ZNF142: variants seen among roughly 807,000 people sequenced by gnomAD.
ZNF142 encodes the protein zinc finger protein 142 (clone pHZ-49).
Under a neutral mutation model 132.1 loss-of-function variants are expected in ZNF142, and 96 were observed. The observed-to-expected ratio is 0.73, with a 90% CI of 0.62 to 0.86. The LOEUF is 0.86. Among genes scored for constraint, ZNF142 ranks in the 40% least tolerant of loss-of-function variants. ZNF142 has a pLI of 0.00. For missense variants in ZNF142, 2,163 were observed against 2,336.2 expected, an observed-to-expected ratio of 0.93 and a Z score of 1.53; for synonymous variants, 842 against 890.1, an observed-to-expected ratio of 0.95 and a Z score of 0.96.
chr2:218,656,878 C>T (rs1171776520), intron 3 of ZNF142, among the ~76,000 whole-genome samples: 10 of 148,370 alleles, frequency 6.7e-5, no homozygotes, highest in South Asian at 4.3e-4. Context: ...AGTGCAGTGG[C>T]GTGATCTTGG....
Position 218,649,356 on chromosome 2 carries a change from G to A in ZNF142, c.1152C>T (p.Leu384=). ...ACTGGAGGCTGGGGTCTGGGAAGTG[G>A]AGATGCAGGTGCTCCACCAGATGAG... ...KRTHLVEHLH[L]HFPDPSLQCP... is the part of the protein sequence containing the mutation. The change falls in exon 7 of 11, where the codon CTC becomes CTT. Residue 384 remains leucine, a synonymous_variant. Coordinates refer to ENST00000411696, the MANE Select transcript of ZNF142 (RefSeq NM_001379659.1). 1 of 1,614,214 alleles carries A rather than the reference G, an allele frequency of 6.2e-7. No homozygotes were observed. Among genetic ancestry groups the A allele is most frequent in the Non-Finnish European group, 8.5e-7 (1 of 1,180,038 alleles).
At chr2:218,658,057 CAA>C (rs1559309476) in intron 3 of ZNF142, among the ~76,000 whole-genome samples, 1 of 151,222 alleles carries the variant, frequency 6.6e-6, no homozygotes, top group Non-Finnish European at 1.5e-5. Flanking sequence ...GGAGAAATTT[CAA>C]ACTCATTAAC....
intron 9 of ZNF142, among the ~76,000 whole-genome samples, chr2:218,641,243 AT>A (rs71276228): frequency 0.25 from 25,934 of 103,754 alleles, 2,383 homozygotes; most frequent in Non-Finnish European, 0.33. Context: ...CTGGCCGATA[AT>A]TTTTTTTTTT....
rs1697443486 is a variant in ZNF142, at chr2:218,643,553, C to T, written c.3563G>A (p.Gly1188Glu). Residue 1188 changes from glycine to glutamate, a missense_variant, in exon 9 of 11, where the codon GGA becomes GAA. Transcript: ENST00000411696. The stretch of plus-strand genomic sequence containing the variant: ...AGGGGCCTCCGTGGGTGAGGAGTTT[C>T]CTGCAGGAGGGACTGGGTCAAAGCA... The part of the protein sequence containing the change: ...KHCFDPVPPA[G>E]NSSPTEAPKK... 2 of 1,605,558 alleles carry T rather than the reference C, an allele frequency of 1.2e-6. No homozygotes were observed. The highest frequency in any genetic ancestry group is 1.7e-5 in the Admixed American group (1 of 59,454).
Position 218,643,256 on chromosome 2 carries a change from C to G in ZNF142, c.3860G>C (p.Ser1287Thr), listed in dbSNP as rs747130010. The change falls in exon 9 of 11, where the codon AGC (serine) becomes ACC (threonine). Residue 1287 changes from serine to threonine, a missense_variant. By Grantham distance (58) the Ser-to-Thr change is moderately conservative. Coordinates refer to ENST00000411696, the MANE Select transcript of ZNF142 (RefSeq NM_001379659.1). ...CAGAACTGTATCCCCATCACCAGAG[C>G]TGGACTCTGTACTCCCATTCTTCGG... ...APPKNGSTESSSGDGDTVLVQ... is the reference protein window; with the variant it reads ...APPKNGSTESTSGDGDTVLVQ... 13 of 1,614,264 alleles carry G rather than the reference C, an allele frequency of 8.1e-6. No individual in the cohort carries two copies. The Admixed American group carries it at 1.0e-4, about 12-fold the overall frequency.
At position 218,642,821 on chromosome 2, in the gene ZNF142, G is replaced by A. The variant is rs373645670; in HGVS notation, c.4295C>T (p.Ser1432Phe). 7 of 1,614,084 alleles carry A rather than the reference G, an allele frequency of 4.3e-6. No homozygotes were observed. The highest frequency in any genetic ancestry group is 2.2e-5 in the East Asian group (1 of 44,896). The change falls in exon 9 of 11, where the codon TCT (serine) becomes TTT (phenylalanine). Residue 1432 changes from serine (S) to phenylalanine (F), a missense_variant. Ser to Phe is a radical substitution (Grantham distance 155). Coordinates refer to ENST00000411696, the MANE Select transcript of ZNF142 (RefSeq NM_001379659.1). This position sits in a 1 kb window ranked among gnomAD's most constrained non-coding sequence, Gnocchi z 4.6. ...GTTGGTACCAAACGTCTGGGGGCAA[G>A]AGCTGCAGGGGATGCGGCCAATGCC... ...HTGIGRIPCS[S>F]CPQTFGTNSK...
chr2:218,643,542 G>T lies in ZNF142; in HGVS notation c.3574C>A (p.Pro1192Thr), dbSNP rs201755459. ...TGGTGCTTCTTAGGGGCCTCCGTGG[G>T]TGAGGAGTTTCCTGCAGGAGGGACT... ...DPVPPAGNSS[P>T]TEAPKKHHLD... The change falls in exon 9 of 11, where the codon CCC becomes ACC. Residue 1192 changes from proline to threonine, a missense_variant. Pro to Thr is a conservative substitution (Grantham distance 38, BLOSUM62 -1). Around this residue, in one of 7 missense-constraint regions of ZNF142, gnomAD observed 809 missense variants for 801.7 expected, o/e 1.01. Coordinates refer to ENST00000411696, the MANE Select transcript of ZNF142 (RefSeq NM_001379659.1). 1 of 1,609,318 alleles carries T rather than the reference G, an allele frequency of 6.2e-7. No individual in the cohort carries two copies. Among genetic ancestry groups the T allele is most frequent in the African/African-American group, 1.3e-5 (1 of 74,830 alleles).
intron 5 of ZNF142, 144 bp downstream of exon 5, chr2:218,651,557 A>C: frequency 1.1e-6 from 1 of 928,648 alleles, no homozygotes; most frequent in Non-Finnish European, 1.4e-6. Flanking sequence ...TTCCCATGTC[A>C]TCCAGTAACT....
At position 218,648,667 on chromosome 2, in the gene ZNF142, C is replaced by G. The variant is rs1937667105; in HGVS notation, c.1841G>C (p.Arg614Thr). 1 of 1,614,064 alleles carries G rather than the reference C, an allele frequency of 6.2e-7. No homozygotes were observed. Among genetic ancestry groups the G allele is most frequent in the African/African-American group, 1.3e-5 (1 of 74,944 alleles). Residue 614 changes from arginine to threonine, a missense_variant, in exon 7 of 11, where the codon AGG becomes ACG. Coordinates refer to ENST00000411696, the MANE Select transcript of ZNF142 (RefSeq NM_001379659.1). The part of the protein sequence containing the change: ...PECNFATAHK[R>T]VLIRHMLLHT... ...TAGAAGCATGTGTCGGATGAGCACC[C>G]TCTTGTGGGCAGTGGCAAAGTTGCA...
At chr2:218,640,228 A>G (rs1697074506) in intron 10 of ZNF142, among the ~76,000 whole-genome samples, 1 of 152,164 alleles carries the variant, frequency 6.6e-6, no homozygotes, top group African/African-American at 2.4e-5. Context: ...TGTGCTTTCA[A>G]GAACCGGGTT....
Position 218,636,450 on chromosome 2 carries a change from C to T in ZNF142, c.*1889G>A. 6.2e-7 allele frequency: 1 copy of T among 1,614,068 alleles called. No individual in the cohort carries two copies. The highest frequency in any genetic ancestry group is 8.5e-7 in the Non-Finnish European group (1 of 1,179,910). ...CCCAGCTCTGGCTGCCTTCCTAATG[C>T]TGTCCTCCTGCCCCTTCCAGGTTAC... is the stretch of plus-strand genomic sequence containing the variant. On this transcript the variant is annotated 3_prime_UTR_variant, in exon 11 of 11. Transcript: ENST00000411696.
Position 218,642,579 on chromosome 2 carries a change from C to T in ZNF142, c.4537G>A (p.Ala1513Thr), listed in dbSNP as rs3821033. Residue 1513 changes from alanine (A) to threonine (T), a missense_variant, in exon 9 of 11, where the codon GCA (alanine) becomes ACA (threonine). By Grantham distance (58) the Ala-to-Thr change is moderately conservative (BLOSUM62 0). Coordinates refer to ENST00000411696, the MANE Select transcript of ZNF142 (RefSeq NM_001379659.1). The surrounding 1 kb of genome is among the most constrained non-coding windows in gnomAD (Gnocchi z 4.6). Reference protein sequence around the residue: ...QHALRRHPEPAQPAPGSPAET... With the variant: ...QHALRRHPEPTQPAPGSPAET... ...GCAGGAGAGCCAGGGGCAGGCTGTG[C>T]AGGCTCGGGGTGTCGGCGCAGAGCA... 0.041 allele frequency: 65,203 copies of T among 1,601,264 alleles called. 1,836 individuals carry two copies. Among genetic ancestry groups the T allele is most frequent in the African/African-American group, 0.13 (9,566 of 73,696 alleles).
chr2:218,653,445 C>T (rs1391205904), intron 4 of ZNF142, among the ~76,000 whole-genome samples: 1 of 151,838 alleles, frequency 6.6e-6, no homozygotes, highest in African/African-American at 2.4e-5. Flanking sequence ...GGCATGGTGG[C>T]GCATGCCTGT....
chr2:218,656,698 T>A (rs1938542155), intron 3 of ZNF142, among the ~76,000 whole-genome samples: 1 of 152,182 alleles, frequency 6.6e-6, no homozygotes, highest in South Asian at 2.1e-4. Flanking sequence ...GGCCAATATA[T>A]TAATGACTGC....
intron 9 of ZNF142, 110 bp downstream of exon 9, chr2:218,641,918 C>G: frequency 2.9e-6 from 4 of 1,375,938 alleles, no homozygotes; most frequent in Non-Finnish European, 3.9e-6. Flanking sequence ...AAGGAACTTT[C>G]CCAAAGTCAC....
chr2:218,654,617 G>A (rs894268320), intron 4 of ZNF142, among the ~76,000 whole-genome samples: 10 of 151,852 alleles, frequency 6.6e-5, no homozygotes, highest in Admixed American at 1.3e-4. Context: ...TGCCTGTCTC[G>A]GCCTCCCAAA....
At chr2:218,639,600 C>T (rs892993869) in intron 10 of ZNF142, among the ~76,000 whole-genome samples, 4 of 151,858 alleles carry the variant, frequency 2.6e-5, no homozygotes, top group East Asian at 1.9e-4. Context: ...GGCGTGGTGG[C>T]GTGCACTTGT....
rs888393502 is a variant in ZNF142, at chr2:218,652,104, C to T, written c.477G>A (p.Pro159=). 24 of 448,622 alleles carry T rather than the reference C, an allele frequency of 5.3e-5. No homozygotes were observed. The highest frequency in any genetic ancestry group is 2.8e-4 in the East Asian group (4 of 14,276). 27.8% of individuals were successfully genotyped at this position (448,622 alleles called of 1,614,324 possible). A position where few individuals can be genotyped will look rare whatever the true frequency, so the allele number is the denominator to read the frequency against. ...TLPGPLQGQS[P]PVSPLSCPVC... ...CAGGGCATGATAGGGGGCTAACTGG[C>T]GGGCTCTGGCCCTGCAGAGGGCCAG... Residue 159 remains proline (P), a synonymous_variant, in exon 5 of 11, where the codon CCG becomes CCA. Transcript: ENST00000411696.
chr2:218,647,355 G>A (rs1317516166), intron 7 of ZNF142, among the ~76,000 whole-genome samples: 2 of 139,960 alleles, frequency 1.4e-5, no homozygotes, highest in East Asian at 4.3e-4. Flanking sequence ...CCCAGGAGGT[G>A]GAGCTTGCAG....
Sources: allele counts gnomAD v4.1 joint callset (sites outside exome capture counted in the v4.1 genomes callset), GRCh38; gene constraint gnomAD v4.1.1; regional missense constraint gnomAD v4.1.1; non-coding constraint Gnocchi (gnomAD v3.1); transcripts MANE v1.5; gene names NCBI Gene and HGNC (gene_info 2026-07-23, HGNC 2026-07-21).